Variants in RC3H2 observed in about 807,000 individuals in gnomAD.
RC3H2 encodes roquin-2.
RC3H2 carries 31 observed loss-of-function variants against 133.3 expected under a neutral mutation model. That is an observed-to-expected ratio of 0.23 (90% CI 0.17 to 0.31). RC3H2 has a LOEUF of 0.31. RC3H2 is among the 10% of genes least tolerant of loss of function. RC3H2 has a pLI of 1.00. For missense variants in RC3H2, 1,175 were observed against 1,437.2 expected, an observed-to-expected ratio of 0.82 and a Z score of 2.95; for synonymous variants, 517 against 502.2, an observed-to-expected ratio of 1.03 and a Z score of -0.40.
chr9:122,875,121 T>C (rs1300068840), intron 9 of RC3H2: 2 of 1,465,432 alleles, frequency 1.4e-6, no homozygotes, highest in Non-Finnish European at 1.8e-6. Context: ...AAATTCTGTA[T>C]ATAGAACTAG....
In RC3H2 at chr9:122,876,220, G is replaced by A. The variant is rs959588574; in HGVS notation, c.1325+1251C>T. On this transcript the variant is annotated intron_variant, in intron 9 of 20. Coordinates refer to ENST00000357244, the MANE Select transcript of RC3H2 (RefSeq NM_001100588.3). ...ACACAGCATATATAACAGGCTGGATGGCTAAACTGGGTACACGAGGTGAGT... is the reference window on the plus strand; with the variant it reads ...ACACAGCATATATAACAGGCTGGATAGCTAAACTGGGTACACGAGGTGAGT... Among the ~76,000 whole-genome samples, 18 of 152,166 alleles carry A rather than the reference G, an allele frequency of 1.2e-4. No homozygotes were observed. In the East Asian group the frequency reaches 2.3e-3, roughly 20 times the overall value.
chr9:122,852,379 G>A (rs1483247603), intron 18 of RC3H2, among the ~76,000 whole-genome samples: 1 of 150,438 alleles, frequency 6.6e-6, no homozygotes, highest in Non-Finnish European at 1.5e-5. Context: ...GTCTCCGCCC[G>A]GCAGCCGCCC....
intron 2 of RC3H2, among the ~76,000 whole-genome samples, chr9:122,894,260 A>C (rs1389308820): frequency 3.4e-5 from 5 of 149,124 alleles, no homozygotes. Context: ...CTCCGTCTCA[A>C]AAAAAAAAAA....
chr9:122,870,409 CAAACAAAA>C (rs1458685660), intron 9 of RC3H2, among the ~76,000 whole-genome samples: 1,959 of 34,822 alleles, frequency 0.056, 34 homozygotes, highest in African/African-American at 0.088. Context: ...AACAAACAAA[CAAACAAAA>C]AAAAAACAAC....
At position 122,879,788 on chromosome 9, in the gene RC3H2, T is replaced by C; in HGVS notation, c.1179A>G (p.Gln393=). ...TVVHGLVDFI[Q]NYSRKGHETP... The stretch of plus-strand genomic sequence containing the variant: ...TCTCATGGCCTTTTCTACTATAATT[T>C]TGTATGAAGTCCACAAGGCCATGAA... Residue 393 remains glutamine (Q), a synonymous_variant, in exon 8 of 21, where the codon CAA becomes CAG. Coordinates refer to ENST00000357244, the MANE Select transcript of RC3H2 (RefSeq NM_001100588.3). 2 of 1,613,424 alleles carry C rather than the reference T, an allele frequency of 1.2e-6. No homozygotes were observed. Among genetic ancestry groups the C allele is most frequent in the African/African-American group, 1.3e-5 (1 of 75,010 alleles).
Position 122,879,818 on chromosome 9 carries a change from T to C in RC3H2, c.1149A>G (p.Thr383=). 7 of 1,614,196 alleles carry C rather than the reference T, an allele frequency of 4.3e-6. No individual in the cohort carries two copies. Among genetic ancestry groups the C allele is most frequent in the Non-Finnish European group, 5.9e-6 (7 of 1,180,038 alleles). Residue 383 remains threonine, a synonymous_variant, in exon 8 of 21, where the codon ACA becomes ACG. Transcript: ENST00000357244. Reference sequence around the variant, plus strand: ...TGAAGTCCACAAGGCCATGAACTACTGTTTTAACAGCTACCATTGCATTTT... The same window carrying C: ...TGAAGTCCACAAGGCCATGAACTACCGTTTTAACAGCTACCATTGCATTTT... ...QLENAMVAVK[T]VVHGLVDFIQ...
Position 122,846,682 on chromosome 9 carries a change from T to G in RC3H2, c.*2945A>C, listed in dbSNP as rs1829875701. ...TTAGACAATAGGTAACATATGCAGT[T>G]TGGTTACCCACATTACACATTTCCT... On this transcript the variant is annotated 3_prime_UTR_variant, in exon 21 of 21. Coordinates refer to ENST00000357244, the MANE Select transcript of RC3H2 (RefSeq NM_001100588.3). 6.6e-6 allele frequency: 1 copy of G among 152,234 alleles called. No individual in the cohort carries two copies. Among genetic ancestry groups the G allele is most frequent in the African/African-American group, 2.4e-5 (1 of 41,468 alleles). 9.4% of individuals were successfully genotyped at this position (152,234 alleles called of 1,614,324 possible).
intron 1 of RC3H2, among the ~76,000 whole-genome samples, chr9:122,899,216 C>T (rs1832559443): frequency 6.8e-6 from 1 of 147,604 alleles, no homozygotes; most frequent in African/African-American, 2.5e-5. Context: ...GATTCTCCCG[C>T]CTTGGCCTCC....
At chr9:122,868,268 A>G (rs1371413842) in intron 9 of RC3H2, among the ~76,000 whole-genome samples, 3 of 152,266 alleles carry the variant, frequency 2.0e-5, no homozygotes, top group East Asian at 1.9e-4. Context: ...AGAACGGGCC[A>G]TGATGACAAT....
chr9:122,858,064 G>C lies in RC3H2; in HGVS notation c.2313C>G (p.Cys771Trp). Residue 771 changes from cysteine to tryptophan, a missense_variant, in exon 13 of 21, where the codon TGC (cysteine) becomes TGG (tryptophan). By Grantham distance (215) the Cys-to-Trp change is radical. Transcript: ENST00000357244. ...REPCGHLKTS[C>W]EEQIRRKPDQ... ...CTGGCTTTCTTCTTATCTGCTCCTC[G>C]CAACTGGTCTTCAAATGACCACAAG... The C allele has an allele frequency of 6.2e-7, 1 of 1,614,118 alleles. No individual in the cohort carries two copies. The highest frequency in any genetic ancestry group is 1.1e-5 in the South Asian group (1 of 91,078).
chr9:122,896,732 A>G (rs1832433892), intron 2 of RC3H2, among the ~76,000 whole-genome samples: 1 of 151,032 alleles, frequency 6.6e-6, no homozygotes, highest in African/African-American at 2.5e-5. Flanking sequence ...CATTAAAGCC[A>G]CATAAGATGG....
intron 18 of RC3H2, 99 bp from the exon 19 acceptor site, chr9:122,851,535 C>A: frequency 6.8e-7 from 1 of 1,478,692 alleles, no homozygotes; most frequent in Non-Finnish European, 9.0e-7. Context: ...CATGGTCTCC[C>A]TCTCATGCCG....
At chr9:122,873,491 T>C (rs10985804) in intron 9 of RC3H2, among the ~76,000 whole-genome samples, 4,206 of 152,248 alleles carry the variant, frequency 0.028, 140 homozygotes, top group East Asian at 0.18. Context: ...GGTGGGCAGA[T>C]TGAGCTCAGG....
In RC3H2 at chr9:122,851,092, G is replaced by C. The variant is rs1348913635; in HGVS notation, c.3369C>G (p.Asp1123Glu). 1.9e-6 allele frequency: 3 copies of C among 1,614,018 alleles called. No homozygotes were observed. Reference sequence around the variant, plus strand: ...TGTCTAACACTCACAGAATCACATGGTCTTCACCTAAACTCTGTTTCTTCT... The same window carrying C: ...TGTCTAACACTCACAGAATCACATGCTCTTCACCTAAACTCTGTTTCTTCT... ...PKQKKQSLGEDHVILEEQKTI... is the reference protein window; with the variant it reads ...PKQKKQSLGEEHVILEEQKTI... Residue 1123 changes from aspartate (D) to glutamate (E), a missense_variant, in exon 20 of 21, where the codon GAC (aspartate) becomes GAG (glutamate). By Grantham distance (45) the Asp-to-Glu change is conservative. Coordinates refer to ENST00000357244, the MANE Select transcript of RC3H2 (RefSeq NM_001100588.3).
chr9:122,865,891 G>A (rs1588068404), intron 9 of RC3H2, among the ~76,000 whole-genome samples: 1 of 59,328 alleles, frequency 1.7e-5, no homozygotes, highest in South Asian at 9.3e-4. Context: ...AGCAAGCCGA[G>A]TTTATATGTA....
intron 9 of RC3H2, among the ~76,000 whole-genome samples, chr9:122,871,989 G>C (rs1831123665): frequency 6.6e-6 from 1 of 151,844 alleles, no homozygotes; most frequent in South Asian, 2.1e-4. Flanking sequence ...TGTTGCCCAG[G>C]CTGGTCACAA....
At chr9:122,899,830 GTAGTTTTTCA>G (rs1832587755) in intron 1 of RC3H2, among the ~76,000 whole-genome samples, 1 of 152,236 alleles carries the variant, frequency 6.6e-6, no homozygotes, top group East Asian at 1.9e-4. Context: ...GACACTGCGT[GTAGTTTTTCA>G]TAATGGCCAC....
rs771032610 is a variant in RC3H2 at position 122,859,919 on chromosome 9, G to T, written c.1847C>A (p.Thr616Lys). 1.6e-5 allele frequency: 26 copies of T among 1,603,310 alleles called. No homozygotes were observed. The highest frequency in any genetic ancestry group is 2.0e-5 in the Non-Finnish European group (23 of 1,170,164). The change falls in exon 11 of 21, where the codon ACA (threonine) becomes AAA (lysine). Residue 616 changes from threonine to lysine, a missense_variant and splice_region_variant. Thr to Lys is a moderately conservative substitution (Grantham distance 78). Around this residue, in one of 8 missense-constraint regions of RC3H2, gnomAD observed 490 missense variants for 492.8 expected, o/e 0.99. Coordinates refer to ENST00000357244, the MANE Select transcript of RC3H2 (RefSeq NM_001100588.3). ...IPFEVPQYPQ[T>K]GYYPPPPTVP... ...TAGAATTGTCTAAAATTACTCACCT[G>T]TCTGTGGGTACTGTGGGACTTCAAA... is the stretch of plus-strand genomic sequence containing the variant.
At position 122,847,296 on chromosome 9, in the gene RC3H2, T is replaced by C. The variant is rs138537985; in HGVS notation, c.*2331A>G. The C allele has an allele frequency of 2.0e-5, 3 of 152,266 alleles. No homozygotes were observed. The highest frequency in any genetic ancestry group is 4.8e-5 in the African/African-American group (2 of 41,580). 9.4% of individuals were successfully genotyped at this position (152,266 alleles called of 1,614,324 possible). On this transcript the variant is annotated 3_prime_UTR_variant, in exon 21 of 21. Transcript: ENST00000357244. ...ATACACAAGATCAATTTATGTAGTA[T>C]ATATTCACCCTCAGAACGTGCTGAA...
Sources: gnomAD v4.1 joint callset for allele counts (sites outside exome capture counted in the v4.1 genomes callset) on GRCh38, gnomAD v4.1.1 for gene constraint, gnomAD v4.1.1 regional missense constraint, MANE v1.5 for transcripts, NCBI Gene and HGNC (gene_info 2026-07-23, HGNC 2026-07-21) for gene names.